PPFIA2: variants seen among roughly 807,000 people sequenced by gnomAD.
The protein encoded by PPFIA2 is liprin-alpha-2.
PPFIA2 carries 46 observed loss-of-function variants against 175.5 expected under a neutral mutation model. The observed-to-expected ratio is 0.26, with a 90% CI of 0.21 to 0.34. PPFIA2 has a LOEUF of 0.34. Ranked by LOEUF, PPFIA2 falls within the 10% of genes least tolerant of loss-of-function variation. PPFIA2 has a pLI of 1.00. For synonymous variants in PPFIA2, 568 were observed against 511.4 expected (o/e 1.11, Z -1.49); for missense variants, 1,179 against 1,506.1 (o/e 0.78, Z 3.60).
At chr12:81,500,429 G>A (rs1396327658) in intron 4 of PPFIA2, among the ~76,000 whole-genome samples, 1 of 152,122 alleles carries the variant, frequency 6.6e-6, no homozygotes, top group Non-Finnish European at 1.5e-5. Flanking sequence ...TGGATTTTGA[G>A]TTCATTTGTA....
intron 4 of PPFIA2, among the ~76,000 whole-genome samples, chr12:81,648,792 T>C (rs1441867253): frequency 6.6e-6 from 1 of 151,916 alleles, no homozygotes; most frequent in African/African-American, 2.4e-5. Context: ...AAGATAGACT[T>C]ACAGATCAAT....
intron 20 of PPFIA2, among the ~76,000 whole-genome samples, chr12:81,340,490 C>T (rs2057859228): frequency 6.6e-6 from 1 of 152,024 alleles, no homozygotes. Context: ...GTTTGCAGTG[C>T]TTTATGCATA....
intron 21 of PPFIA2, among the ~76,000 whole-genome samples, chr12:81,330,079 G>GGTT (rs1238014641): frequency 2.6e-5 from 4 of 152,148 alleles, no homozygotes; most frequent in Non-Finnish European, 4.4e-5. Flanking sequence ...GGATTGTGAA[G>GGTT]GTGTGGAAGT....
chr12:81,396,764 T>C (rs2041210141), intron 8 of PPFIA2, among the ~76,000 whole-genome samples: 2 of 152,202 alleles, frequency 1.3e-5, no homozygotes, highest in South Asian at 2.1e-4. Context: ...AGACTGGAGA[T>C]GGCCCATGGG....
chr12:81,268,329 G>A (rs1374585487), intron 28 of PPFIA2, among the ~76,000 whole-genome samples: 2 of 151,042 alleles, frequency 1.3e-5, no homozygotes, highest in African/African-American at 4.9e-5. Flanking sequence ...TAGTAGAGAC[G>A]GGGTTTCACC....
chr12:81,443,034 G>A (rs2050526003), intron 6 of PPFIA2, among the ~76,000 whole-genome samples: 1 of 150,486 alleles, frequency 6.6e-6, no homozygotes, highest in Non-Finnish European at 1.5e-5. Flanking sequence ...AAATGCTATT[G>A]TAAACAAGCA....
At chr12:81,566,563 GA>G (rs1451327327) in intron 4 of PPFIA2, among the ~76,000 whole-genome samples, 4 of 135,676 alleles carry the variant, frequency 2.9e-5, no homozygotes, top group East Asian at 2.2e-4. Flanking sequence ...GAAAAGAAAA[GA>G]AAAAAAGAAA....
chr12:81,529,351 G>T (rs952551051), intron 4 of PPFIA2, among the ~76,000 whole-genome samples: 5 of 152,004 alleles, frequency 3.3e-5, no homozygotes, highest in South Asian at 2.1e-4. Context: ...TACTTTTTCA[G>T]CATCAAGTGA....
intron 4 of PPFIA2, among the ~76,000 whole-genome samples, chr12:81,653,191 G>C: frequency 6.6e-6 from 1 of 152,020 alleles, no homozygotes; most frequent in East Asian, 1.9e-4. Flanking sequence ...CATAAATCTT[G>C]TCATGTAATT....
chr12:81,462,116 C>T (rs1478805856), intron 4 of PPFIA2, among the ~76,000 whole-genome samples: 1 of 151,056 alleles, frequency 6.6e-6, no homozygotes, highest in Non-Finnish European at 1.5e-5. Flanking sequence ...TTAAATTTTT[C>T]TAAGTGAGAT....
At chr12:81,378,166 C>G (rs1310345740) in intron 9 of PPFIA2, 1 of 151,932 alleles carries the variant, frequency 6.6e-6, no homozygotes, top group African/African-American at 2.4e-5. Flanking sequence ...GAATATGGCC[C>G]TGCTGAAACA....
intron 3 of PPFIA2, among the ~76,000 whole-genome samples, chr12:81,682,533 T>TA (rs934012064): frequency 7.9e-5 from 12 of 152,038 alleles, no homozygotes; most frequent in African/African-American, 2.9e-4. Context: ...AAGCAGTCTA[T>TA]AAAAAAAGTC....
intron 28 of PPFIA2, among the ~76,000 whole-genome samples, chr12:81,275,682 C>T (rs896625612): frequency 6.6e-6 from 1 of 151,960 alleles, no homozygotes; most frequent in Non-Finnish European, 1.5e-5. Context: ...CACATATCAA[C>T]TCTTGGATAA....
At chr12:81,332,846 G>A (rs905687163) in intron 21 of PPFIA2, among the ~76,000 whole-genome samples, 1 of 152,012 alleles carries the variant, frequency 6.6e-6, no homozygotes, top group Admixed American at 6.6e-5. Context: ...TCTCAGTTTC[G>A]ATATGTATAG....
chr12:81,645,145 T>A (rs1376193545), intron 4 of PPFIA2, among the ~76,000 whole-genome samples: 4 of 149,934 alleles, frequency 2.7e-5, no homozygotes, highest in Non-Finnish European at 5.9e-5. Context: ...AATTTAGGTA[T>A]TCAGAAGGAA....
intron 4 of PPFIA2, among the ~76,000 whole-genome samples, chr12:81,659,472 G>A (rs1276203634): frequency 6.6e-6 from 1 of 152,286 alleles, no homozygotes; most frequent in Admixed American, 6.5e-5. Context: ...ACAGCAGTCT[G>A]AGATCAAACT....
intron 3 of PPFIA2, among the ~76,000 whole-genome samples, chr12:81,736,606 T>C (rs543606263): frequency 6.6e-6 from 1 of 152,112 alleles, no homozygotes; most frequent in South Asian, 2.1e-4. Flanking sequence ...TCAACACCGT[T>C]GGGACAATTA....
chr12:81,347,875 T>C, intron 17 of PPFIA2, 105 bp from the exon 18 acceptor site: 1 of 1,426,634 alleles, frequency 7.0e-7, no homozygotes, highest in Non-Finnish European at 9.2e-7. Flanking sequence ...GTAGAAACTA[T>C]TCTTGAACAT....
chr12:81,324,235 A>G (rs897303075), intron 22 of PPFIA2, among the ~76,000 whole-genome samples: 2 of 152,092 alleles, frequency 1.3e-5, no homozygotes, highest in African/African-American at 4.8e-5. Context: ...CCAATAGTGT[A>G]TAAGGTTAAT....
Sources: gnomAD v4.1 joint callset for allele counts (sites outside exome capture counted in the v4.1 genomes callset) on GRCh38, gnomAD v4.1.1 for gene constraint, MANE v1.5 for transcripts, NCBI Gene and HGNC (gene_info 2026-07-23, HGNC 2026-07-21) for gene names.